The following NCAPD3 variants were observed in gnomAD, a reference collection of about 807,000 sequenced individuals.
The protein encoded by NCAPD3 is non-SMC condensin II complex subunit D3, also known as condensin-2 complex subunit D3.
In NCAPD3, 105 loss-of-function variants were observed where a neutral mutation model predicts 182.9. The observed-to-expected ratio is 0.57, with a 90% CI of 0.49 to 0.68. The LOEUF is 0.68. Among genes scored for constraint, NCAPD3 ranks in the 30% least tolerant of loss-of-function variants. The pLI, the probability that NCAPD3 is intolerant of heterozygous loss-of-function variation, is 0.00. For synonymous variants in NCAPD3, 815 were observed against 679.9 expected (o/e 1.20, Z -3.09); for missense variants, 1,944 against 1,837.0 (o/e 1.06, Z -1.07).
Position 134,178,646 on chromosome 11 carries a change from T to C in NCAPD3, c.2770A>G (p.Ile924Val). 3 of 1,552,880 alleles carry C rather than the reference T, an allele frequency of 1.9e-6. No homozygotes were observed. Among genetic ancestry groups the C allele is most frequent in the East Asian group, 2.3e-5 (1 of 44,160 alleles). Reference sequence around the variant, plus strand: ...ATGTTTTTCTTACCTAAGGTAATGATGGCATGTGCTCTAATCACAGAGGGC... The same window carrying C: ...ATGTTTTTCTTACCTAAGGTAATGACGGCATGTGCTCTAATCACAGAGGGC... Reference protein sequence around the residue: ...VMPSVIRAHAIITLGKLCLQH... With the variant: ...VMPSVIRAHAVITLGKLCLQH... Residue 924 changes from isoleucine to valine, a missense_variant, in exon 22 of 35, where the codon ATC becomes GTC. Physicochemically the swap from Ile to Val is conservative, Grantham distance 29. Around this residue, in one of 3 missense-constraint regions of NCAPD3, gnomAD observed 1,803 missense variants for 1,674.6 expected, o/e 1.08. Transcript: ENST00000534548.
intron 13 of NCAPD3, among the ~76,000 whole-genome samples, chr11:134,201,898 A>G (rs1944756698): frequency 6.6e-6 from 1 of 152,210 alleles, no homozygotes; most frequent in Non-Finnish European, 1.5e-5. Flanking sequence ...CCTGAACCCA[A>G]TTTCACGCTG....
chr11:134,192,257 G>A (rs1206090534), intron 16 of NCAPD3, among the ~76,000 whole-genome samples: 1 of 152,162 alleles, frequency 6.6e-6, no homozygotes, highest in Non-Finnish European at 1.5e-5. Context: ...TACAGTGTAT[G>A]TTCAATAAGT....
chr11:134,177,134 A>C, intron 23 of NCAPD3, 85 bp downstream of exon 23: 1 of 1,075,266 alleles, frequency 9.3e-7, no homozygotes, highest in Non-Finnish European at 1.4e-6. Flanking sequence ...CTACAAAGCA[A>C]GCACATTTCC....
intron 1 of NCAPD3, among the ~76,000 whole-genome samples, chr11:134,221,815 C>A (rs1167274486): frequency 6.6e-6 from 1 of 152,170 alleles, no homozygotes; most frequent in African/African-American, 2.4e-5. Flanking sequence ...ACAATCTGGT[C>A]ATCATCTTTT....
intron 28 of NCAPD3, among the ~76,000 whole-genome samples, chr11:134,160,642 G>C (rs1372027939): frequency 1.3e-5 from 2 of 152,136 alleles, no homozygotes; most frequent in African/African-American, 4.8e-5. Flanking sequence ...AACATTCTTA[G>C]GTCTTAAAGA....
intron 16 of NCAPD3, among the ~76,000 whole-genome samples, chr11:134,189,890 T>C (rs1046223011): frequency 5.9e-5 from 9 of 152,190 alleles, no homozygotes; most frequent in Middle Eastern, 3.2e-3. Flanking sequence ...TCTAGTAACC[T>C]TTTTCTTACT....
intron 27 of NCAPD3, among the ~76,000 whole-genome samples, chr11:134,167,300 A>T (rs1319740767): frequency 1.7e-5 from 2 of 117,842 alleles, no homozygotes; most frequent in East Asian, 5.5e-4. Context: ...AGCTTGGGGG[A>T]GCAGCACACT....
Position 134,153,018 on chromosome 11 carries a change from G to C in NCAPD3, c.4423C>G (p.Pro1475Ala). 1 of 1,593,590 alleles carries C rather than the reference G, an allele frequency of 6.3e-7. No homozygotes were observed. Among genetic ancestry groups the C allele is most frequent in the African/African-American group, 1.3e-5 (1 of 74,360 alleles). Reference protein sequence around the residue: ...PQPQQWNVRSPARNKDTPACS... With the variant: ...PQPQQWNVRSAARNKDTPACS... ...GCTGGAGTGTCTTTATTCCTGGCGGGAGACCGCACATTCCACTGCTGAGGC... is the reference window on the plus strand; with the variant it reads ...GCTGGAGTGTCTTTATTCCTGGCGGCAGACCGCACATTCCACTGCTGAGGC... Residue 1475 changes from proline to alanine, a missense_variant, in exon 35 of 35, where the codon CCC (proline) becomes GCC (alanine). Around this residue, in one of 3 missense-constraint regions of NCAPD3, gnomAD observed 1,803 missense variants for 1,674.6 expected, o/e 1.08. Coordinates refer to ENST00000534548, the MANE Select transcript of NCAPD3 (RefSeq NM_015261.3).
chr11:134,187,834 C>T (rs1221457997), intron 16 of NCAPD3, among the ~76,000 whole-genome samples: 1 of 152,216 alleles, frequency 6.6e-6, no homozygotes, highest in Non-Finnish European at 1.5e-5. Flanking sequence ...TTCTGTGAAT[C>T]TCCAGCACTT....
intron 13 of NCAPD3, among the ~76,000 whole-genome samples, chr11:134,201,197 G>T (rs1944740711): frequency 1.3e-5 from 2 of 152,024 alleles, no homozygotes; most frequent in African/African-American, 4.8e-5. Context: ...CTAATTTTTT[G>T]TATTTTAGTA....
intron 32 of NCAPD3, among the ~76,000 whole-genome samples, chr11:134,155,125 T>C (rs1359411419): frequency 6.6e-6 from 1 of 152,174 alleles, no homozygotes; most frequent in Non-Finnish European, 1.5e-5. Flanking sequence ...ATGGTAACAG[T>C]AACAGGGACT....
chr11:134,164,048 G>A (rs567032905), intron 27 of NCAPD3, among the ~76,000 whole-genome samples: 13 of 152,186 alleles, frequency 8.5e-5, no homozygotes, highest in Non-Finnish European at 1.6e-4. Context: ...AAAACAGGCA[G>A]GATCTTGTGG....
intron 13 of NCAPD3, among the ~76,000 whole-genome samples, chr11:134,194,986 G>C (rs766763422): frequency 5.9e-5 from 9 of 152,148 alleles, no homozygotes; most frequent in Admixed American, 1.3e-4. Flanking sequence ...AATTGTGAAT[G>C]AATTATTTAT....
At chr11:134,163,340 A>G (rs777442030) in intron 27 of NCAPD3, among the ~76,000 whole-genome samples, 19 of 152,074 alleles carry the variant, frequency 1.2e-4, no homozygotes, top group Non-Finnish European at 1.8e-4. Context: ...GCTTCCTGCC[A>G]CCCCTCACAG....
chr11:134,168,894 C>A (rs1285231534), intron 25 of NCAPD3, 23 bp downstream of exon 25: 3 of 1,605,492 alleles, frequency 1.9e-6, no homozygotes, highest in Admixed American at 3.4e-5. Context: ...TACAAGGAGA[C>A]CAGACTTAGC....
chr11:134,172,219 C>T (rs147106333), intron 24 of NCAPD3, among the ~76,000 whole-genome samples: 28 of 152,304 alleles, frequency 1.8e-4, no homozygotes, highest in African/African-American at 6.5e-4. Context: ...GCTCTCCATT[C>T]CAAATCCCCG....
rs1555141415 is a variant in NCAPD3 at position 134,203,886 on chromosome 11, A to T, written c.1236T>A (p.Thr412=). 1 of 1,613,994 alleles carries T rather than the reference A, an allele frequency of 6.2e-7. No individual in the cohort carries two copies. The highest frequency in any genetic ancestry group is 2.2e-5 in the East Asian group (1 of 44,876). ...CTAACAGAGCTAAGACAACATCAAG[A>T]GTAAAAACCCGGTGTGGGATCTGGT... ...RSSKIPHRVF[T]LDVVLALLEL... is the part of the protein sequence containing the mutation. The change falls in exon 11 of 35, where the codon ACT becomes ACA. Residue 412 remains threonine, a synonymous_variant. Transcript: ENST00000534548.
At chr11:134,167,759 ACACT>A (rs1194639611) in intron 27 of NCAPD3, among the ~76,000 whole-genome samples, 7 of 131,744 alleles carry the variant, frequency 5.3e-5, no homozygotes, top group South Asian at 2.6e-4. Context: ...GGAGAGCAGC[ACACT>A]CACTTGTGAG....
chr11:134,155,781 C>T (rs538532209), intron 32 of NCAPD3, among the ~76,000 whole-genome samples: 77 of 151,832 alleles, frequency 5.1e-4, no homozygotes, highest in Non-Finnish European at 8.8e-4. Flanking sequence ...CACAGAACAT[C>T]GCACCTGTCC....
Sources: gnomAD v4.1 joint callset for allele counts (sites outside exome capture counted in the v4.1 genomes callset) on GRCh38, gnomAD v4.1.1 for gene constraint, gnomAD v4.1.1 regional missense constraint, MANE v1.5 for transcripts, NCBI Gene and HGNC (gene_info 2026-07-23, HGNC 2026-07-21) for gene names.